VRK2: variants seen among roughly 807,000 people sequenced by gnomAD.
The protein encoded by VRK2 is serine/threonine-protein kinase VRK2.
A neutral mutation model predicts 57.6 loss-of-function variants in VRK2; 60 were observed. That is an observed-to-expected ratio of 1.04 (90% CI 0.85 to 1.29). VRK2 has a LOEUF of 1.29. VRK2 is among the 50% of genes most tolerant of loss of function. The probability of loss-of-function intolerance (pLI) is 0.00; values close to 1 mark genes in which losing one functional copy is unlikely to be tolerated. For missense variants in VRK2, 705 were observed against 588.1 expected (o/e 1.20, Z -2.06); for synonymous variants, 231 against 199.2 (o/e 1.16, Z -1.35).
At chr2:58,124,236 C>A (rs1677964796) in intron 8 of VRK2, among the ~76,000 whole-genome samples, 1 of 152,088 alleles carries the variant, frequency 6.6e-6, no homozygotes, top group African/African-American at 2.4e-5. Flanking sequence ...AATAGCCGAC[C>A]CAGAAAGCCA....
intron 1 of VRK2, among the ~76,000 whole-genome samples, chr2:57,983,042 T>C (rs746604959): frequency 5.3e-4 from 80 of 152,176 alleles, no homozygotes; most frequent in Non-Finnish European, 8.4e-4. Flanking sequence ...GGGCCAGAAA[T>C]GAATCCTGAC....
chr2:58,012,952 T>G (rs574314508), intron 1 of VRK2, among the ~76,000 whole-genome samples: 41 of 152,312 alleles, frequency 2.7e-4, no homozygotes, highest in African/African-American at 9.4e-4. Context: ...AAGCTTGACA[T>G]GTCAATATCT....
intron 3 of VRK2, among the ~76,000 whole-genome samples, chr2:58,035,980 T>C (rs1298395912): frequency 1.3e-5 from 2 of 152,112 alleles, no homozygotes; most frequent in African/African-American, 4.8e-5. Context: ...TTATGGTTGT[T>C]ATCCATTAGA....
At chr2:58,134,587 C>T (rs1032783254) in intron 9 of VRK2, among the ~76,000 whole-genome samples, 5 of 139,280 alleles carry the variant, frequency 3.6e-5, no homozygotes, top group East Asian at 2.1e-4. Flanking sequence ...GTCCGCAGTC[C>T]GGCCTGGGCG....
chr2:58,093,702 C>T (rs1000697871), intron 7 of VRK2, among the ~76,000 whole-genome samples: 1 of 152,120 alleles, frequency 6.6e-6, no homozygotes, highest in African/African-American at 2.4e-5. Context: ...GCTTTTGTTG[C>T]CATTGCTTTT....
intron 1 of VRK2, among the ~76,000 whole-genome samples, chr2:57,955,402 C>T (rs1671552490): frequency 6.6e-6 from 1 of 151,420 alleles, no homozygotes; most frequent in African/African-American, 2.4e-5. Context: ...CCCTAAATCC[C>T]ACTGATAATG....
intron 1 of VRK2, among the ~76,000 whole-genome samples, chr2:57,962,162 G>C (rs536507084): frequency 6.6e-6 from 1 of 152,260 alleles, no homozygotes; most frequent in East Asian, 1.9e-4. Context: ...TCCAGTCCTT[G>C]ATTAGTGAGA....
chr2:57,964,585 C>A (rs537758577), intron 1 of VRK2, among the ~76,000 whole-genome samples: 1 of 152,066 alleles, frequency 6.6e-6, no homozygotes, highest in African/African-American at 2.4e-5. Flanking sequence ...TGTTCATACT[C>A]GTTAACTGTC....
chr2:58,099,532 G>C (rs1212468570), intron 7 of VRK2, among the ~76,000 whole-genome samples: 3 of 152,022 alleles, frequency 2.0e-5, no homozygotes, highest in Non-Finnish European at 4.4e-5. Flanking sequence ...CATGAGGCCA[G>C]TCTTGATGCA....
chr2:57,973,841 A>G (rs1672168139), intron 1 of VRK2, among the ~76,000 whole-genome samples: 1 of 151,826 alleles, frequency 6.6e-6, no homozygotes, highest in African/African-American at 2.4e-5. Context: ...GCTGAGGCCA[A>G]TATCTAGTGG....
chr2:57,983,321 G>T (rs898100060), intron 1 of VRK2, among the ~76,000 whole-genome samples: 1 of 152,160 alleles, frequency 6.6e-6, no homozygotes, highest in Non-Finnish European at 1.5e-5. Flanking sequence ...AGCCAGGAAA[G>T]GTTCTCAGCT....
chr2:58,093,527 T>G (rs1199556029), intron 7 of VRK2, among the ~76,000 whole-genome samples: 6 of 152,214 alleles, frequency 3.9e-5, no homozygotes, highest in African/African-American at 1.4e-4. Context: ...TTTTTTCTTG[T>G]AAATTTGTTT....
chr2:58,047,252 T>G (rs1674946879), intron 1 of VRK2: 1 of 316,312 alleles, frequency 3.2e-6, no homozygotes, highest in Non-Finnish European at 4.6e-6. Flanking sequence ...GCCGCGCTGC[T>G]TCTCGTTACC....
intron 2 of VRK2, among the ~76,000 whole-genome samples, chr2:58,069,673 C>T (rs946934663): frequency 3.9e-5 from 6 of 152,128 alleles, no homozygotes; most frequent in East Asian, 1.9e-4. Flanking sequence ...CTGCTGCTGC[C>T]GCCACTGTCA....
At chr2:57,985,097 T>A (rs1260223774) in intron 1 of VRK2, among the ~76,000 whole-genome samples, 3 of 152,026 alleles carry the variant, frequency 2.0e-5, no homozygotes. Context: ...CTGAAGTGGA[T>A]GGATGGAAGA....
intron 2 of VRK2, chr2:58,058,414 T>G (rs1676848169): frequency 1.3e-5 from 6 of 470,466 alleles, no homozygotes; most frequent in Admixed American, 1.2e-4. Flanking sequence ...TCCCGCAAAT[T>G]TATTTCAAGC....
chr2:58,046,977 A>C, intron 1 of VRK2, 109 bp downstream of exon 1: 5 of 983,964 alleles, frequency 5.1e-6, no homozygotes, highest in Non-Finnish European at 4.8e-6. Context: ...GATGCCGGGG[A>C]CTCCGGGCCG....
intron 3 of VRK2, among the ~76,000 whole-genome samples, chr2:58,034,486 C>A (rs770028992): frequency 1.2e-4 from 18 of 151,952 alleles, no homozygotes; most frequent in Non-Finnish European, 2.5e-4. Flanking sequence ...TAATAGAATC[C>A]TATAGTTTTT....
intron 1 of VRK2, among the ~76,000 whole-genome samples, chr2:58,007,622 T>G (rs1046112227): frequency 6.6e-6 from 1 of 152,154 alleles, no homozygotes; most frequent in Non-Finnish European, 1.5e-5. Context: ...ATACAAAATA[T>G]GTGTTAATCA....
Sources: allele counts gnomAD v4.1 joint callset (sites outside exome capture counted in the v4.1 genomes callset), GRCh38; gene constraint gnomAD v4.1.1; transcripts MANE v1.5; gene names NCBI Gene and HGNC (gene_info 2026-07-23, HGNC 2026-07-21).